Variants in PCDHGA6 observed in about 807,000 individuals in gnomAD.
PCDHGA6 encodes protocadherin gamma subfamily A, 6.
PCDHGA6 carries 41 observed loss-of-function variants against 60.6 expected under a neutral mutation model. That is an observed-to-expected ratio of 0.68 (90% confidence interval 0.53 to 0.88). PCDHGA6 has a LOEUF of 0.88. Among genes scored for constraint, PCDHGA6 ranks in the 40% least tolerant of loss-of-function variants. PCDHGA6 has a pLI of 0.00. For missense variants in PCDHGA6, 1,312 were observed against 1,203.0 expected, an observed-to-expected ratio of 1.09 and a Z score of -1.34; for synonymous variants, 594 against 524.4, an observed-to-expected ratio of 1.13 and a Z score of -1.81.
intron 2 of PCDHGA6, among the ~76,000 whole-genome samples, chr5:141,504,782 G>A (rs2099841011): frequency 6.6e-6 from 1 of 151,926 alleles, no homozygotes; most frequent in Non-Finnish European, 1.5e-5. Context: ...AGGGTCTCTT[G>A]GGGCCTCCTA....
rs771681529 is a variant in PCDHGA6 at position 141,486,617 on chromosome 5, C to T, written c.2425-8190C>T. The T allele has an allele frequency of 1.2e-6, 2 of 1,613,602 alleles. No individual in the cohort carries two copies. Among genetic ancestry groups the T allele is most frequent in the Non-Finnish European group, 1.7e-6 (2 of 1,180,036 alleles). On this transcript the variant is annotated intron_variant, in intron 1 of 3. Coordinates refer to ENST00000517434, the MANE Select transcript of PCDHGA6 (RefSeq NM_018919.3). The surrounding 1 kb of genome is among the most constrained non-coding windows in gnomAD (Gnocchi z 5.0). ...GCTTTGCTCCCTTGCAGCCTCTGAC[C>T]CAGACTCTGGCTTGAATGCGCTTAT...
chr5:141,424,768 A>G (rs143190880), intron 1 of PCDHGA6: 38 of 152,284 alleles, frequency 2.5e-4, no homozygotes, highest in African/African-American at 9.1e-4. Context: ...TCTTATGGCA[A>G]ATAGTACATT....
rs767430191 is a variant in PCDHGA6 at position 141,375,567 on chromosome 5, C to T, written c.1484C>T (p.Thr495Ile). 22 of 1,613,958 alleles carry T rather than the reference C, an allele frequency of 1.4e-5. No individual in the cohort carries two copies. The Admixed American group carries it at 3.5e-4, about 26-fold the overall frequency. ...GTCTCCTACTCACTGGCAGAAGACA[C>T]CCTCCAGGGGGCGCCCCTGTCCTCC... ...AQVSYSLAED[T>I]LQGAPLSSYV... Residue 495 changes from threonine (T) to isoleucine (I), a missense_variant, in exon 1 of 4, where the codon ACC becomes ATC. By Grantham distance (89) the Thr-to-Ile change is moderately conservative. Transcript: ENST00000517434.
rs71583649 is a variant in PCDHGA6, at chr5:141,491,361, C to A, written c.2425-3446C>A. On this transcript the variant is annotated intron_variant, in intron 1 of 3. Transcript: ENST00000517434. The surrounding 1 kb of genome is among the most constrained non-coding windows in gnomAD (Gnocchi z 6.9). The stretch of plus-strand genomic sequence containing the variant: ...CGACCGTCAGTCTCTTATCCCTAGT[C>A]ACCTTCACCTTTCTGTCAGCGAAGT... 1.0e-3 allele frequency: 1,614 copies of A among 1,614,132 alleles called. 5 individuals carry two copies. The highest frequency in any genetic ancestry group is 5.1e-3 in the Middle Eastern group (31 of 6,062).
intron 1 of PCDHGA6, among the ~76,000 whole-genome samples, chr5:141,463,099 A>G (rs1445730117): frequency 1.4e-4 from 21 of 152,204 alleles, no homozygotes; most frequent in Admixed American, 1.4e-3. Context: ...CTATGTGACC[A>G]TCAAGAATTC....
chr5:141,472,980 C>CAAAAAAAAAAAAAAAAAAAAA (rs60579131), intron 1 of PCDHGA6, among the ~76,000 whole-genome samples: 3 of 86,094 alleles, frequency 3.5e-5, no homozygotes, highest in Non-Finnish European at 5.0e-5. Context: ...GAGTGAAACT[C>CAAAAAAAAAAAAAAAAAAAAA]AAAAAAAAAA....
In PCDHGA6 at chr5:141,476,574, G is replaced by C. The variant is rs746783993; in HGVS notation, c.2425-18233G>C. The C allele has an allele frequency of 1.1e-5, 18 of 1,614,084 alleles. No homozygotes were observed. The Admixed American group carries it at 1.8e-4, about 16-fold the overall frequency. On this transcript the variant is annotated intron_variant, in intron 1 of 3. Coordinates refer to ENST00000517434, the MANE Select transcript of PCDHGA6 (RefSeq NM_018919.3). The surrounding 1 kb of genome is among the most constrained non-coding windows in gnomAD (Gnocchi z 7.6). ...AGCGAGGCCGTGGCTCCGGGGACGC[G>C]CTTTCCGCTCGAGAGCGCGCACGAT...
chr5:141,383,400 C>G (rs999894916), intron 1 of PCDHGA6: 4 of 1,614,020 alleles, frequency 2.5e-6, no homozygotes, highest in Non-Finnish European at 1.7e-6. Context: ...CGAACTCCCT[C>G]CAGAGTTACC....
chr5:141,492,461 G>T (rs1218833302), intron 1 of PCDHGA6, among the ~76,000 whole-genome samples: 1 of 152,212 alleles, frequency 6.6e-6, no homozygotes, highest in Non-Finnish European at 1.5e-5. Flanking sequence ...CGCGCCTGAG[G>T]GTCCCAGATC....
chr5:141,432,014 A>C lies in PCDHGA6; in HGVS notation c.2424+55507A>C, dbSNP rs778393699. Reference sequence around the variant, plus strand: ...GGATAGGGAACAGGTTCCTAGCTACAACATCACAGTGACCGCCACTGACCG... The same window carrying C: ...GGATAGGGAACAGGTTCCTAGCTACCACATCACAGTGACCGCCACTGACCG... On this transcript the variant is annotated intron_variant, in intron 1 of 3. Transcript: ENST00000517434. This position sits in a 1 kb window ranked among gnomAD's most constrained non-coding sequence, Gnocchi z 6.0. 16 of 1,614,196 alleles carry C rather than the reference A, an allele frequency of 9.9e-6. 1 individual carries two copies. In the South Asian group the frequency reaches 1.6e-4, roughly 17 times the overall value.
Position 141,510,942 on chromosome 5 carries a change from T to C in PCDHGA6, c.2573-5T>C, listed in dbSNP as rs769766039. On this transcript the variant is annotated splice_region_variant and splice_polypyrimidine_tract_variant and intron_variant, in intron 3 of 3. Transcript: ENST00000517434. ...CTCCCACCTGATCTTCCTCTGTCTCTGCAGAAGCTGCTGATGGGAGCTCCA... is the reference window on the plus strand; with the variant it reads ...CTCCCACCTGATCTTCCTCTGTCTCCGCAGAAGCTGCTGATGGGAGCTCCA... 5 of 1,613,984 alleles carry C rather than the reference T, an allele frequency of 3.1e-6. No homozygotes were observed. The highest frequency in any genetic ancestry group is 4.2e-6 in the Non-Finnish European group (5 of 1,180,014).
At position 141,374,761 on chromosome 5, in the gene PCDHGA6, C is replaced by G; in HGVS notation, c.678C>G (p.Ala226=). 3 of 1,613,458 alleles carry G rather than the reference C, an allele frequency of 1.9e-6. No homozygotes were observed. The highest frequency in any genetic ancestry group is 1.1e-5 in the South Asian group (1 of 90,976). ...DGGDPVRSSV[A]QILVTVLDVN... ...GCGACCCTGTCCGCTCAAGCGTCGC[C>G]CAAATTCTGGTAACAGTTCTAGATG... Residue 226 remains alanine, a synonymous_variant, in exon 1 of 4, where the codon GCC becomes GCG. Coordinates refer to ENST00000517434, the MANE Select transcript of PCDHGA6 (RefSeq NM_018919.3).
intron 1 of PCDHGA6, among the ~76,000 whole-genome samples, chr5:141,467,571 A>T (rs1228156610): frequency 6.6e-6 from 1 of 152,212 alleles, no homozygotes; most frequent in African/African-American, 2.4e-5. Context: ...ATGGCTATCC[A>T]GTTGTCCCAA....
At position 141,493,904 on chromosome 5, in the gene PCDHGA6, G is replaced by A. The variant is rs1204744465; in HGVS notation, c.2425-903G>A. Among the ~76,000 whole-genome samples, 1 of 152,216 alleles carries A rather than the reference G, an allele frequency of 6.6e-6. No individual in the cohort carries two copies. Among genetic ancestry groups the A allele is most frequent in the Non-Finnish European group, 1.5e-5 (1 of 68,028 alleles). On this transcript the variant is annotated intron_variant, in intron 1 of 3. Transcript: ENST00000517434. The surrounding 1 kb of genome is among the most constrained non-coding windows in gnomAD (Gnocchi z 4.3). ...GGCTCTAGGAGTGCTCCATGAGAGT[G>A]TGTGATGGGATAACACACCCCCTGG...
At chr5:141,420,088 C>T in intron 1 of PCDHGA6, 5 of 1,614,002 alleles carry the variant, frequency 3.1e-6, no homozygotes, top group Non-Finnish European at 4.2e-6. Context: ...CCCCCAACTA[C>T]AGTGAGGGAA....
intron 1 of PCDHGA6, chr5:141,377,467 A>C (rs1170946460): frequency 6.6e-6 from 1 of 152,194 alleles, no homozygotes; most frequent in South Asian, 2.1e-4. Context: ...TGTGTGGCGT[A>C]CACCTGTAGT....
chr5:141,397,986 C>G, intron 1 of PCDHGA6: 2 of 1,316,082 alleles, frequency 1.5e-6, no homozygotes, highest in Non-Finnish European at 2.1e-6. Flanking sequence ...GCCTTTACAC[C>G]GCTTCCTCCT....
In PCDHGA6 at chr5:141,374,029, A is replaced by C. The variant is rs1460112886; in HGVS notation, c.-55A>C. ...GCTATTTCTGAGAAGAGCAAAAGTGATGCAGATCTGTTCTTCCTCTTCTTA... is the reference window on the plus strand; with the variant it reads ...GCTATTTCTGAGAAGAGCAAAAGTGCTGCAGATCTGTTCTTCCTCTTCTTA... On this transcript the variant is annotated 5_prime_UTR_variant, in exon 1 of 4. An upstream start codon of the reference 5' UTR is lost. Coordinates refer to ENST00000517434, the MANE Select transcript of PCDHGA6 (RefSeq NM_018919.3). 2.1e-6 allele frequency: 3 copies of C among 1,428,780 alleles called. No individual in the cohort carries two copies. 88.5% of individuals were successfully genotyped at this position (1,428,780 alleles called of 1,614,324 possible). A position where few individuals can be genotyped will look rare whatever the true frequency, so the allele number is the denominator to read the frequency against.
At chr5:141,392,127 A>G (rs2092470129) in intron 1 of PCDHGA6, 1 of 152,236 alleles carries the variant, frequency 6.6e-6, no homozygotes, top group Admixed American at 6.5e-5. Flanking sequence ...AGCTTGTAAA[A>G]TGATTAAGTA....
Sources: allele counts gnomAD v4.1 joint callset (sites outside exome capture counted in the v4.1 genomes callset), GRCh38; gene constraint gnomAD v4.1.1; non-coding constraint Gnocchi (gnomAD v3.1); transcripts MANE v1.5; gene names NCBI Gene and HGNC (gene_info 2026-07-23, HGNC 2026-07-21).